Variants in IGSF10 observed in about 807,000 individuals in gnomAD.
IGSF10 encodes the protein immunoglobulin superfamily member 10.
Under a neutral mutation model 128.2 loss-of-function variants are expected in IGSF10, and 126 were observed. The observed-to-expected ratio is 0.98, with a 90% CI of 0.85 to 1.14. The LOEUF (loss-of-function observed/expected upper bound fraction) is 1.14. Among genes scored for constraint, IGSF10 ranks in the 50% most tolerant of loss-of-function variants. The pLI, the probability that IGSF10 is intolerant of heterozygous loss-of-function variation, is 0.00. For synonymous variants in IGSF10, 1,185 were observed against 1,146.2 expected, an observed-to-expected ratio of 1.03 and a Z score of -0.68; for missense variants, 3,295 against 3,149.8, an observed-to-expected ratio of 1.05 and a Z score of -1.10.
intron 7 of IGSF10, among the ~76,000 whole-genome samples, chr3:151,439,113 TAATG>T (rs955395077): frequency 2.6e-5 from 4 of 152,178 alleles, no homozygotes; most frequent in African/African-American, 2.4e-5. Context: ...AAAAAAATCT[TAATG>T]AAGAGGCACA....
Position 151,443,564 on chromosome 3 carries a change from T to C in IGSF10, c.5383A>G (p.Arg1795Gly), listed in dbSNP as rs1431583673. 6.2e-7 allele frequency: 1 copy of C among 1,614,146 alleles called. No individual in the cohort carries two copies. Among genetic ancestry groups the C allele is most frequent in the Non-Finnish European group, 8.5e-7 (1 of 1,180,050 alleles). The change falls in exon 7 of 8, where the codon AGG (arginine) becomes GGG (glycine). Residue 1795 changes from arginine to glycine, a missense_variant. Coordinates refer to ENST00000282466, the MANE Select transcript of IGSF10 (RefSeq NM_178822.5). ...TVVSESSQGS[R>G]QAVVTVDGTL... ...CCGTCAACCGTCACCACAGCCTGCCTACTTCCCTGGGATGATTCTGAGACA... is the reference window on the plus strand; with the variant it reads ...CCGTCAACCGTCACCACAGCCTGCCCACTTCCCTGGGATGATTCTGAGACA...
the IGSF10 span, among the ~76,000 whole-genome samples, chr3:151,474,215 GA>G: frequency 1.2e-4 from 19 of 152,228 alleles, no homozygotes; most frequent in African/African-American, 4.6e-4. Context: ...GTGTTAAACA[GA>G]ACTGAATGTT....
At chr3:151,452,399 C>A (rs537091611) in intron 5 of IGSF10, among the ~76,000 whole-genome samples, 13 of 152,266 alleles carry the variant, frequency 8.5e-5, no homozygotes, top group African/African-American at 3.1e-4. Flanking sequence ...ATACTGTAAG[C>A]AATTGTAATA....
Position 151,457,046 on chromosome 3 carries a change from A to G in IGSF10, c.304T>C (p.Ser102Pro). 3.1e-6 allele frequency: 5 copies of G among 1,614,168 alleles called. No individual in the cohort carries two copies. Among genetic ancestry groups the G allele is most frequent in the Non-Finnish European group, 4.2e-6 (5 of 1,180,022 alleles). ...GIHTIPDKTF[S>P]DLQALQVLKM... ...CTCACCTGCAAGGCCTGCAAATCTG[A>G]GAAGGTCTTGTCAGGGATTGTGTGA... Residue 102 changes from serine (S) to proline (P), a missense_variant, in exon 4 of 8, where the codon TCA (serine) becomes CCA (proline). Transcript: ENST00000282466.
intron 7 of IGSF10, among the ~76,000 whole-genome samples, chr3:151,441,837 A>G (rs563374973): frequency 1.3e-3 from 192 of 152,288 alleles, no homozygotes; most frequent in African/African-American, 3.3e-3. Flanking sequence ...TAAGGCGGGC[A>G]GATCACGAGG....
the IGSF10 span, among the ~76,000 whole-genome samples, chr3:151,530,849 A>G: frequency 6.6e-6 from 1 of 152,194 alleles, no homozygotes; most frequent in African/African-American, 2.4e-5. Context: ...GACGGGATCC[A>G]ATTCACATAT....
chr3:151,547,111 T>C, the IGSF10 span, among the ~76,000 whole-genome samples: 4 of 152,146 alleles, frequency 2.6e-5, no homozygotes, highest in Non-Finnish European at 4.4e-5. Flanking sequence ...TTTATATTGC[T>C]TCTTCAGGAT....
the IGSF10 span, among the ~76,000 whole-genome samples, chr3:151,539,684 G>A: frequency 9.2e-5 from 14 of 152,204 alleles, no homozygotes; most frequent in South Asian, 2.7e-3. Flanking sequence ...CCAGCTGGTT[G>A]TTCTCTCAAT....
Position 151,438,059 on chromosome 3 carries a change from C to G in IGSF10, c.6502G>C (p.Asp2168His). Residue 2168 changes from aspartate (D) to histidine (H), a missense_variant, in exon 8 of 8, where the codon GAT becomes CAT. Transcript: ENST00000282466. ...AACCAAAATATTTTTGGTTTGGGAT[C>G]CCCAGTGACCTCACAGTCAAGGACA... is the stretch of plus-strand genomic sequence containing the variant. ...TAVLDCEVTG[D>H]PKPKIFWLLP... 5 of 1,614,196 alleles carry G rather than the reference C, an allele frequency of 3.1e-6. No homozygotes were observed. Among genetic ancestry groups the G allele is most frequent in the Non-Finnish European group, 4.2e-6 (5 of 1,180,008 alleles).
chr3:151,465,501 G>A (rs376103127), upstream of IGSF10, among the ~76,000 whole-genome samples: 9 of 152,296 alleles, frequency 5.9e-5, no homozygotes, highest in East Asian at 1.2e-3. Flanking sequence ...TCTTAAGCCT[G>A]GGTAGGAGAT....
chr3:151,564,862 A>G, the IGSF10 span, among the ~76,000 whole-genome samples: 2 of 152,176 alleles, frequency 1.3e-5, no homozygotes, highest in African/African-American at 4.8e-5. Flanking sequence ...TAAATAGCCT[A>G]TAACTAAAAA....
the IGSF10 span, among the ~76,000 whole-genome samples, chr3:151,502,535 C>G: frequency 0.021 from 3,131 of 152,106 alleles, 106 homozygotes; most frequent in African/African-American, 0.071. Flanking sequence ...CTGTTTTTAA[C>G]TACACTTTAG....
At chr3:151,473,781 C>T in the IGSF10 span, among the ~76,000 whole-genome samples, 2 of 152,144 alleles carry the variant, frequency 1.3e-5, no homozygotes, top group Non-Finnish European at 2.9e-5. Flanking sequence ...TCTGCATATT[C>T]TGTTCTACCT....
chr3:151,613,664 A>T, the IGSF10 span, among the ~76,000 whole-genome samples: 3 of 152,360 alleles, frequency 2.0e-5, no homozygotes, highest in East Asian at 1.9e-4. Flanking sequence ...CACCTTATAC[A>T]AAAATTAATT....
chr3:151,564,027 C>A, the IGSF10 span, among the ~76,000 whole-genome samples: 1 of 152,110 alleles, frequency 6.6e-6, no homozygotes, highest in South Asian at 2.1e-4. Flanking sequence ...CTGGATCCAG[C>A]ATTTATGTTC....
At chr3:151,546,786 T>G in the IGSF10 span, among the ~76,000 whole-genome samples, 1 of 152,216 alleles carries the variant, frequency 6.6e-6, no homozygotes, top group Non-Finnish European at 1.5e-5. Flanking sequence ...TTCTTTTTTT[T>G]GAGACGAAGT....
At chr3:151,548,318 T>C in the IGSF10 span, among the ~76,000 whole-genome samples, 1 of 152,180 alleles carries the variant, frequency 6.6e-6, no homozygotes. Context: ...ACAGCCAGCA[T>C]CAAATGCTAA....
chr3:151,539,969 G>A, the IGSF10 span, among the ~76,000 whole-genome samples: 1 of 152,106 alleles, frequency 6.6e-6, no homozygotes, highest in Non-Finnish European at 1.5e-5. Context: ...ACTGGCCTTA[G>A]TCCGAGCCTA....
the IGSF10 span, among the ~76,000 whole-genome samples, chr3:151,574,409 T>C: frequency 6.6e-6 from 1 of 152,172 alleles, no homozygotes; most frequent in Non-Finnish European, 1.5e-5. Flanking sequence ...GGAGGCTTTG[T>C]CTATTTCTCT....
Sources: allele counts gnomAD v4.1 joint callset (sites outside exome capture counted in the v4.1 genomes callset), GRCh38; gene constraint gnomAD v4.1.1; transcripts MANE v1.5; gene names NCBI Gene and HGNC (gene_info 2026-07-23, HGNC 2026-07-21).